Variants in IFT56 observed in about 807,000 individuals in gnomAD.
The protein encoded by IFT56 is intraflagellar transport 56, also known as intraflagellar transport protein 56.
the IFT56 span, among the ~76,000 whole-genome samples, chr7:139,141,275 CAG>C: frequency 1.6e-4 from 23 of 148,126 alleles, no homozygotes; most frequent in East Asian, 4.6e-3. Context: ...AAAAAAAAGA[CAG>C]GGTCTCACTG....
At chr7:139,150,502 C>A in the IFT56 span, among the ~76,000 whole-genome samples, 3 of 152,090 alleles carry the variant, frequency 2.0e-5, no homozygotes, top group Non-Finnish European at 4.4e-5. Context: ...GTACTTCTAA[C>A]CTCAAAAGGC....
At chr7:139,173,477 C>T in the IFT56 span, 2 of 679,864 alleles carry the variant, frequency 2.9e-6, no homozygotes, top group Non-Finnish European at 5.4e-6. Flanking sequence ...GATCCACTCA[C>T]CTCGGCCTCC....
the IFT56 span, among the ~76,000 whole-genome samples, chr7:139,156,436 C>G: frequency 6.7e-6 from 1 of 148,300 alleles, no homozygotes; most frequent in Non-Finnish European, 1.5e-5. Flanking sequence ...TTCTTATTTT[C>G]TTTTTTAAAT....
chr7:139,148,712 GC>G, the IFT56 span, among the ~76,000 whole-genome samples: 4 of 151,772 alleles, frequency 2.6e-5, no homozygotes, highest in Non-Finnish European at 5.9e-5. Flanking sequence ...ATCACTTGAG[GC>G]CAGGAGTTTG....
the IFT56 span, chr7:139,179,574 G>A: frequency 6.2e-7 from 1 of 1,613,748 alleles, no homozygotes; most frequent in South Asian, 1.1e-5. Context: ...CTTCTTGCAG[G>A]CGTTCCTCTT....
At chr7:139,175,093 C>T in the IFT56 span, among the ~76,000 whole-genome samples, 1 of 152,034 alleles carries the variant, frequency 6.6e-6, no homozygotes, top group Non-Finnish European at 1.5e-5. Context: ...TGTTTGACAT[C>T]ACTGATCATC....
At chr7:139,179,423 A>G in the IFT56 span, 6 of 613,886 alleles carry the variant, frequency 9.8e-6, no homozygotes, top group Non-Finnish European at 1.5e-5. Context: ...TTAAATCACC[A>G]CAATTCTGTC....
At chr7:139,179,926 C>G in the IFT56 span, among the ~76,000 whole-genome samples, 1 of 152,154 alleles carries the variant, frequency 6.6e-6, no homozygotes, top group African/African-American at 2.4e-5. Context: ...TTAAAGTTTC[C>G]AGAGTCTCAG....
chr7:139,178,173 T>C, the IFT56 span: 1 of 1,390,726 alleles, frequency 7.2e-7, no homozygotes, highest in East Asian at 2.3e-5. Context: ...AGGATTTTAG[T>C]CTCATGAATA....
chr7:139,160,080 T>C, the IFT56 span, among the ~76,000 whole-genome samples: 1 of 152,042 alleles, frequency 6.6e-6, no homozygotes, highest in Admixed American at 6.6e-5. Context: ...TTACCCAAAA[T>C]TTTGGAATTG....
chr7:139,172,722 C>A, the IFT56 span: 1 of 626,520 alleles, frequency 1.6e-6, no homozygotes, highest in Non-Finnish European at 3.1e-6. Context: ...AAATGTTATA[C>A]CCCATAAATG....
the IFT56 span, chr7:139,169,382 C>T: frequency 1.3e-6 from 2 of 1,590,394 alleles, no homozygotes; most frequent in East Asian, 2.2e-5. Flanking sequence ...TTATGATCTG[C>T]TTCATAATTG....
chr7:139,187,277 C>A, the IFT56 span: 1 of 1,120,458 alleles, frequency 8.9e-7, no homozygotes, highest in Non-Finnish European at 1.2e-6. Context: ...TTCTAACTTG[C>A]TAACTGAAAA....
chr7:139,163,355 A>G, the IFT56 span, among the ~76,000 whole-genome samples: 1 of 151,768 alleles, frequency 6.6e-6, no homozygotes, highest in African/African-American at 2.4e-5. Flanking sequence ...AAAAAAAAAA[A>G]GAAAAAAAAG....
chr7:139,137,093 A>G, the IFT56 span, among the ~76,000 whole-genome samples: 14 of 152,300 alleles, frequency 9.2e-5, no homozygotes, highest in African/African-American at 3.1e-4. Context: ...TGCTCCATAA[A>G]TATGTGTTGG....
chr7:139,138,462 A>G, the IFT56 span, among the ~76,000 whole-genome samples: 2 of 152,246 alleles, frequency 1.3e-5, no homozygotes, highest in Non-Finnish European at 2.9e-5. Flanking sequence ...TCAGGCATCT[A>G]CTAGGGATCT....
At chr7:139,161,600 T>A in the IFT56 span, among the ~76,000 whole-genome samples, 1 of 152,240 alleles carries the variant, frequency 6.6e-6, no homozygotes, top group South Asian at 2.1e-4. Flanking sequence ...CTAATACTAC[T>A]GAGATTCTTC....
At chr7:139,139,934 C>T in the IFT56 span, 1 of 1,612,708 alleles carries the variant, frequency 6.2e-7, no homozygotes, top group Non-Finnish European at 8.5e-7. Flanking sequence ...ATTCTGAAGT[C>T]TGGGTGAACC....
the IFT56 span, among the ~76,000 whole-genome samples, chr7:139,180,670 C>T: frequency 2.6e-5 from 4 of 151,646 alleles, no homozygotes; most frequent in Non-Finnish European, 4.4e-5. Flanking sequence ...GATCGCACCA[C>T]TGCACTCCAG....
Sources: allele counts gnomAD v4.1 joint callset (sites outside exome capture counted in the v4.1 genomes callset), GRCh38; gene constraint gnomAD v4.1.1; transcripts MANE v1.5; gene names NCBI Gene and HGNC (gene_info 2026-07-23, HGNC 2026-07-21).